SLC15A3: variants seen among roughly 807,000 people sequenced by gnomAD.
SLC15A3 encodes solute carrier family 15 member 3, also known as osteoclast transporter.
Under a neutral mutation model 49.2 loss-of-function variants are expected in SLC15A3, and 39 were observed. That is an observed-to-expected ratio of 0.79 (90% confidence interval 0.61 to 1.04). The LOEUF (loss-of-function observed/expected upper bound fraction) is 1.04, where lower values mean the gene tolerates loss of function less well. Ranked by LOEUF, SLC15A3 falls within the 50% of genes least tolerant of loss-of-function variation. The probability of loss-of-function intolerance (pLI) is 0.00; values close to 1 mark genes in which losing one functional copy is unlikely to be tolerated. For missense variants in SLC15A3, 758 were observed against 794.8 expected, an observed-to-expected ratio of 0.95 and a Z score of 0.56; for synonymous variants, 339 against 367.0, an observed-to-expected ratio of 0.92 and a Z score of 0.87.
rs748607086 is a variant in SLC15A3, at chr11:60,946,614, G to T, written c.766C>A (p.Pro256Thr). Residue 256 changes from proline to threonine, a missense_variant, in exon 2 of 8, where the codon CCG becomes ACG. By Grantham distance (38) the Pro-to-Thr change is conservative. Around this residue, in one of 3 missense-constraint regions of SLC15A3, gnomAD observed 699 missense variants for 706.7 expected, o/e 0.99. Transcript: ENST00000227880. ...ATAGAGGACACTTGGCTGCCCATCG[G>T]GGGCTTGGTGATGAAGACGGGGGTG... ...FATPVFITKP[P>T]MGSQVSSMLK... is the part of the protein sequence containing the mutation. The T allele has an allele frequency of 1.9e-6, 3 of 1,613,782 alleles. No homozygotes were observed.
At chr11:60,939,340 G>T in intron 6 of SLC15A3, 140 bp downstream of exon 6, 1 of 996,432 alleles carries the variant, frequency 1.0e-6, no homozygotes, top group Non-Finnish European at 1.5e-6. Context: ...CCCGTTGGGT[G>T]AATGAGCCCT....
intron 5 of SLC15A3, 176 bp from the exon 6 acceptor site, chr11:60,939,814 C>T: frequency 1.5e-6 from 1 of 684,238 alleles, no homozygotes; most frequent in Non-Finnish European, 2.4e-6. Flanking sequence ...GTGACCAACT[C>T]CTCCCTTTTG....
At chr11:60,948,138 C>T (rs1304338127) in intron 1 of SLC15A3, among the ~76,000 whole-genome samples, 2 of 152,144 alleles carry the variant, frequency 1.3e-5, no homozygotes, top group Non-Finnish European at 2.9e-5. Context: ...ATTTATTTTT[C>T]CTTTTTCAAA....
At chr11:60,949,827 T>C (rs1007083790) in intron 1 of SLC15A3, among the ~76,000 whole-genome samples, 1 of 152,254 alleles carries the variant, frequency 6.6e-6, no homozygotes, top group Non-Finnish European at 1.5e-5. Flanking sequence ...TGACAATCTT[T>C]TTCCAGTTTC....
intron 7 of SLC15A3, 169 bp from the exon 8 acceptor site, chr11:60,937,542 A>G: frequency 1.1e-6 from 1 of 870,192 alleles, no homozygotes; most frequent in Non-Finnish European, 1.8e-6. Flanking sequence ...GAAGATCTCC[A>G]GGGGTGTCTA....
chr11:60,950,552 C>T (rs910215109), intron 1 of SLC15A3, among the ~76,000 whole-genome samples: 1 of 151,996 alleles, frequency 6.6e-6, no homozygotes, highest in Non-Finnish European at 1.5e-5. Context: ...CTTTGGGAGG[C>T]CTAGGCAGGT....
chr11:60,947,723 A>G (rs1856825513), intron 1 of SLC15A3: 1 of 152,108 alleles, frequency 6.6e-6, no homozygotes, highest in African/African-American at 2.4e-5. Flanking sequence ...TGGTGAAAAA[A>G]ACGTTTTTTT....
chr11:60,948,988 T>C (rs76228369), intron 1 of SLC15A3, among the ~76,000 whole-genome samples: 1,670 of 152,302 alleles, frequency 0.011, 17 homozygotes, highest in Middle Eastern at 0.054. Context: ...GAGATTCCCA[T>C]TGACAAATAT....
chr11:60,942,201 C>G, intron 3 of SLC15A3, 56 bp from the exon 4 acceptor site: 1 of 1,466,866 alleles, frequency 6.8e-7, no homozygotes, highest in Non-Finnish European at 9.5e-7. Flanking sequence ...CCCCTCCCAA[C>G]TCCTAGGTGG....
At position 60,951,820 on chromosome 11, in the gene SLC15A3, C is replaced by G. The variant is rs1173480532; in HGVS notation, c.-269G>C. On this transcript the variant is annotated 5_prime_UTR_variant, in exon 1 of 8. Coordinates refer to ENST00000227880, the MANE Select transcript of SLC15A3 (RefSeq NM_016582.3). Reference sequence around the variant, plus strand: ...TCCCCCACCCCTAAGGCTTCCTCCCCGCGCCTCTCCTGCAGCTGTTTCTCC... The same window carrying G: ...TCCCCCACCCCTAAGGCTTCCTCCCGGCGCCTCTCCTGCAGCTGTTTCTCC... 5.6e-6 allele frequency: 1 copy of G among 178,236 alleles called. No individual in the cohort carries two copies. Among genetic ancestry groups the G allele is most frequent in the African/African-American group, 2.4e-5 (1 of 41,828 alleles). The allele number at this position is 178,236 out of a possible 1,614,324, so 11.0% of individuals were successfully genotyped here. A position where few individuals can be genotyped will look rare whatever the true frequency, so the allele number is the denominator to read the frequency against.
At chr11:60,948,773 G>A (rs769255327) in intron 1 of SLC15A3, among the ~76,000 whole-genome samples, 1 of 152,196 alleles carries the variant, frequency 6.6e-6, no homozygotes, top group African/African-American at 2.4e-5. Flanking sequence ...CAGCCAAGGG[G>A]AGAACGTACA....
At chr11:60,947,653 T>C (rs1856824629) in intron 1 of SLC15A3, 2 of 152,188 alleles carry the variant, frequency 1.3e-5, no homozygotes, top group African/African-American at 4.8e-5. Flanking sequence ...ACCCCACTTT[T>C]GTCCCTCTGA....
At chr11:60,941,993 ACCTGGCTGAACT>A in intron 4 of SLC15A3, 30 bp downstream of exon 4, 2 of 1,574,596 alleles carry the variant, frequency 1.3e-6, no homozygotes, top group Non-Finnish European at 1.7e-6. Context: ...GGAAGCCGCT[ACCTGGCTGAACT>A]GGGTGCCGAA....
rs997212469 is a variant in SLC15A3, at chr11:60,951,114, G to A, written c.438C>T (p.Ala146=). Residue 146 remains alanine, a synonymous_variant, in exon 1 of 8, where the codon GCC becomes GCT. Transcript: ENST00000227880. The part of the protein sequence containing the change: ...ASPLGPACPS[A]GCPRSSPSPY... ...GGCTGGGCGAGGAGCGCGGGCAGCCGGCCGAGGGGCAGGCAGGTCCCAGCG... is the reference window on the plus strand; with the variant it reads ...GGCTGGGCGAGGAGCGCGGGCAGCCAGCCGAGGGGCAGGCAGGTCCCAGCG... 3 of 1,477,486 alleles carry A rather than the reference G, an allele frequency of 2.0e-6. No individual in the cohort carries two copies. Among genetic ancestry groups the A allele is most frequent in the African/African-American group, 2.9e-5 (2 of 67,808 alleles). 91.5% of individuals were successfully genotyped at this position (1,477,486 alleles called of 1,614,324 possible).
chr11:60,940,541 C>T (rs1484371497), intron 5 of SLC15A3: 1 of 152,288 alleles, frequency 6.6e-6, no homozygotes, highest in African/African-American at 2.4e-5. Flanking sequence ...AGGGCAGAGC[C>T]CTGCTCAGGG....
At position 60,938,229 on chromosome 11, in the gene SLC15A3, A is replaced by T. The variant is rs1422236029; in HGVS notation, c.1436-204T>A. On this transcript the variant is annotated intron_variant, in intron 6 of 7. Coordinates refer to ENST00000227880, the MANE Select transcript of SLC15A3 (RefSeq NM_016582.3). The stretch of plus-strand genomic sequence containing the variant: ...CCCTGCTCACCTGCCTCCTGGCTGA[A>T]CCCCTGCACCGGGGTACTCCATGCG... The T allele has an allele frequency of 1.2e-5, 7 of 593,580 alleles. No homozygotes were observed. In the East Asian group the frequency reaches 2.1e-4, roughly 18 times the overall value. 36.8% of individuals were successfully genotyped at this position (593,580 alleles called of 1,614,324 possible).
At position 60,951,309 on chromosome 11, in the gene SLC15A3, G is replaced by A; in HGVS notation, c.243C>T (p.Gly81=). 6.5e-7 allele frequency: 1 copy of A among 1,528,454 alleles called. No homozygotes were observed. Among genetic ancestry groups the A allele is most frequent in the South Asian group, 1.2e-5 (1 of 81,804 alleles). The allele number at this position is 1,528,454 out of a possible 1,614,324, so 94.7% of individuals were successfully genotyped here. The change falls in exon 1 of 8, where the codon GGC becomes GGT. Residue 81 remains glycine, a synonymous_variant. Coordinates refer to ENST00000227880, the MANE Select transcript of SLC15A3 (RefSeq NM_016582.3). ...CCACGGGCGCCAGCAGGTAGGAGGCGCCCAGGAATACCAGCGCGGCGCGCG... is the reference window on the plus strand; with the variant it reads ...CCACGGGCGCCAGCAGGTAGGAGGCACCCAGGAATACCAGCGCGGCGCGCG... ...QATRAALVFL[G]ASYLLAPVGG...
chr11:60,941,135 G>A lies in SLC15A3; in HGVS notation c.1263C>T (p.Ser421=), dbSNP rs142494843. 31 of 1,613,014 alleles carry A rather than the reference G, an allele frequency of 1.9e-5. No individual in the cohort carries two copies. The highest frequency in any genetic ancestry group is 1.9e-4 in the African/African-American group (14 of 75,002). Residue 421 remains serine, a synonymous_variant, in exon 5 of 8, where the codon TCC becomes TCT. Coordinates refer to ENST00000227880, the MANE Select transcript of SLC15A3 (RefSeq NM_016582.3). ...CCCTCTGCACACCTGCCACAATGAC[G>A]GAGGTAAAACCAAAGAACATCCCCA... The part of the protein sequence containing the change: ...MALGMFFGFT[S]VIVAGVLEME...
chr11:60,951,054 C>T lies in SLC15A3; in HGVS notation c.498G>A (p.Leu166=), dbSNP rs1856908267. The T allele has an allele frequency of 1.1e-5, 16 of 1,495,592 alleles. No homozygotes were observed. Among genetic ancestry groups the T allele is most frequent in the Non-Finnish European group, 1.3e-5 (15 of 1,130,942 alleles). 92.6% of individuals were successfully genotyped at this position (1,495,592 alleles called of 1,614,324 possible). A position where few individuals can be genotyped will look rare whatever the true frequency, so the allele number is the denominator to read the frequency against. Residue 166 remains leucine, a synonymous_variant, in exon 1 of 8, where the codon CTG becomes CTA. Transcript: ENST00000227880. ...YCAPVLYAGL[L]LLGLAASSVR... ...CGGAGCTGGCGGCCAGGCCGAGTAG[C>T]AGCAGGCCCGCGTAGAGGACGGGCG...
Sources: gnomAD v4.1 joint callset for allele counts (sites outside exome capture counted in the v4.1 genomes callset) on GRCh38, gnomAD v4.1.1 for gene constraint, gnomAD v4.1.1 regional missense constraint, MANE v1.5 for transcripts, NCBI Gene and HGNC (gene_info 2026-07-23, HGNC 2026-07-21) for gene names.